Variants in SRCAP observed in about 807,000 individuals in gnomAD.
SRCAP encodes the protein Snf2 related CREBBP activator protein, also known as chromatin remodeling protein SRCAP.
In SRCAP, 46 loss-of-function variants were observed where a neutral mutation model predicts 263.1. The ratio of observed to expected loss-of-function variants is 0.17; its 90% CI spans 0.14 to 0.22. SRCAP has a LOEUF of 0.22. Ranked by LOEUF, SRCAP falls within the 10% of genes least tolerant of loss-of-function variation. SRCAP has a pLI of 1.00. For synonymous variants in SRCAP, 1,813 were observed against 1,662.1 expected (o/e 1.09, Z -2.21); for missense variants, 3,695 against 4,181.9 (o/e 0.88, Z 3.21).
In SRCAP at chr16:30,711,615, T is replaced by TATG; in HGVS notation, c.1364_1366dup (p.Tyr455_Ala456insAsp). 1 of 1,612,668 alleles carries TATG rather than the reference T, an allele frequency of 6.2e-7. No homozygotes were observed. The highest frequency in any genetic ancestry group is 8.5e-7 in the Non-Finnish European group (1 of 1,179,534). ...GCTATTGCAGCAGTATGCAGGAGCC[T>TATG]ATGCCCCAGGCTCTGGGAGCAGTGA... On this transcript the variant is annotated inframe_insertion, in exon 11 of 34. Transcript: ENST00000262518.
intron 18 of SRCAP, among the ~76,000 whole-genome samples, chr16:30,718,969 G>A (rs2052981661): frequency 1.3e-5 from 2 of 148,302 alleles, no homozygotes; most frequent in African/African-American, 2.5e-5. Flanking sequence ...CAGTCTCAGC[G>A]CATTGCAACC....
chr16:30,737,244 G>T lies in SRCAP; in HGVS notation c.7204G>T (p.Ala2402Ser). 1 of 1,614,022 alleles carries T rather than the reference G, an allele frequency of 6.2e-7. No individual in the cohort carries two copies. The highest frequency in any genetic ancestry group is 1.3e-5 in the African/African-American group (1 of 74,958). Residue 2402 changes from alanine to serine, a missense_variant, in exon 34 of 34, where the codon GCC becomes TCC. Physicochemically the swap from Ala to Ser is moderately conservative, Grantham distance 99. Coordinates refer to ENST00000262518, the MANE Select transcript of SRCAP (RefSeq NM_006662.3). ...GTRVSERLRG[A>S]RAETQGANHT... ...TCGTGTCAGTGAGCGTCTTCGTGGAGCCCGGGCTGAGACTCAAGGGGCAAA... is the reference window on the plus strand; with the variant it reads ...TCGTGTCAGTGAGCGTCTTCGTGGATCCCGGGCTGAGACTCAAGGGGCAAA...
rs751571911 is a variant in SRCAP, at chr16:30,738,616, G to A, written c.8576G>A (p.Arg2859Gln). The change falls in exon 34 of 34, where the codon CGG becomes CAG. Residue 2859 changes from arginine to glutamine, a missense_variant. Coordinates refer to ENST00000262518, the MANE Select transcript of SRCAP (RefSeq NM_006662.3). ...LAITPPAVKR[R>Q]RGRPPKKNRS... ...ATCACCCCACCTGCTGTGAAACGTC[G>A]GAGGGGGAGGCCCCCCAAGAAGAAC... 8 of 1,604,184 alleles carry A rather than the reference G, an allele frequency of 5.0e-6. No individual in the cohort carries two copies. The highest frequency in any genetic ancestry group is 2.2e-5 in the East Asian group (1 of 44,772).
Position 30,739,628 on chromosome 16 carries a change from T to A in SRCAP, c.9588T>A (p.Leu3196=). 1 of 1,591,922 alleles carries A rather than the reference T, an allele frequency of 6.3e-7. No homozygotes were observed. Among genetic ancestry groups the A allele is most frequent in the Non-Finnish European group, 8.5e-7 (1 of 1,170,182 alleles). The stretch of plus-strand genomic sequence containing the variant: ...GCCGACGTCCTGGCCCCCGCCGGCT[T>A]GTTGGGACCACCAACCAAGGGGACC... ...TPRRRPGPRR[L]VGTTNQGDQR... is the part of the protein sequence containing the mutation. Residue 3196 remains leucine (L), a synonymous_variant, in exon 34 of 34, where the codon CTT becomes CTA. Coordinates refer to ENST00000262518, the MANE Select transcript of SRCAP (RefSeq NM_006662.3).
intron 18 of SRCAP, among the ~76,000 whole-genome samples, chr16:30,719,460 C>T (rs1355125654): frequency 6.6e-6 from 1 of 152,048 alleles, no homozygotes; most frequent in African/African-American, 2.4e-5. Context: ...CGTGATCCAC[C>T]CGCCTCGGCC....
In SRCAP at chr16:30,721,367, CACCACCACTTCT is replaced by C. The variant is rs745901069; in HGVS notation, c.3441_3452del (p.Ser1148_Thr1151del). 6.2e-7 allele frequency: 1 copy of C among 1,614,034 alleles called. No individual in the cohort carries two copies. The highest frequency in any genetic ancestry group is 8.5e-7 in the Non-Finnish European group (1 of 1,180,042). On this transcript the variant is annotated inframe_deletion, in exon 21 of 34. Transcript: ENST00000262518. ...GCTACACCTTCCCTCCTGCTGCTGC[CACCACCACTTCT>C]ACCACCACGGCAACTGCTACCACCA...
Position 30,721,279 on chromosome 16 carries a change from G to T in SRCAP, c.3344G>T (p.Arg1115Leu), listed in dbSNP as rs748378605. 30 of 1,613,994 alleles carry T rather than the reference G, an allele frequency of 1.9e-5. No individual in the cohort carries two copies. The highest frequency in any genetic ancestry group is 2.5e-5 in the Non-Finnish European group (29 of 1,179,996). Residue 1115 changes from arginine to leucine, a missense_variant, in exon 21 of 34, where the codon CGC (arginine) becomes CTC (leucine). This residue lies in a region of SRCAP where 1,347 missense variants were observed against 1,304.4 expected (regional missense o/e 1.03). Transcript: ENST00000262518. The stretch of plus-strand genomic sequence containing the variant: ...AAGCCAACACCACCTGCCCCAGTTC[G>T]CCTGAGCCCAGCCCCACCTCCAGGC... ...SLKPTPPAPV[R>L]LSPAPPPGSS...
intron 27 of SRCAP, among the ~76,000 whole-genome samples, chr16:30,731,641 A>C (rs924179717): frequency 6.6e-6 from 1 of 151,642 alleles, no homozygotes; most frequent in Admixed American, 6.6e-5. Context: ...TGAGGTGGGC[A>C]GCTCACTTGA....
rs368577129 is a variant in SRCAP, at chr16:30,738,838, C to T, written c.8798C>T (p.Pro2933Leu). The T allele has an allele frequency of 1.4e-5, 22 of 1,614,040 alleles. No individual in the cohort carries two copies. In the African/African-American group the frequency reaches 2.8e-4, roughly 21 times the overall value. ...PVHRPNPLLS[P>L]VEKRRRGRPP... ...CACAGACCCAATCCCCTCCTGTCACCTGTGGAGAAAAGAAGGCGAGGACGA... is the reference window on the plus strand; with the variant it reads ...CACAGACCCAATCCCCTCCTGTCACTTGTGGAGAAAAGAAGGCGAGGACGA... Residue 2933 changes from proline to leucine, a missense_variant, in exon 34 of 34, where the codon CCT (proline) becomes CTT (leucine). Coordinates refer to ENST00000262518, the MANE Select transcript of SRCAP (RefSeq NM_006662.3).
rs2052897818 is a variant in SRCAP at position 30,712,005 on chromosome 16, C to G, written c.1663C>G (p.Leu555Val). The change falls in exon 12 of 34, where the codon CTT becomes GTT. Residue 555 changes from leucine to valine, a missense_variant. Physicochemically the swap from Leu to Val is conservative, Grantham distance 32. Coordinates refer to ENST00000262518, the MANE Select transcript of SRCAP (RefSeq NM_006662.3). Reference sequence around the variant, plus strand: ...TGATGATTTTGGGGTGGAGTACTTGCTTGCCAGGGATGAAGAGCAGAGTGA... The same window carrying G: ...TGATGATTTTGGGGTGGAGTACTTGGTTGCCAGGGATGAAGAGCAGAGTGA... ...EDDDFGVEYLLARDEEQSEAD... is the reference protein window; with the variant it reads ...EDDDFGVEYLVARDEEQSEAD... 6.2e-7 allele frequency: 1 copy of G among 1,613,856 alleles called. No homozygotes were observed.
chr16:30,707,188 C>T lies in SRCAP; in HGVS notation c.312C>T (p.Ala104=), dbSNP rs200473396. The change falls in exon 5 of 34, where the codon GCC becomes GCT. Residue 104 remains alanine (A), a synonymous_variant. Transcript: ENST00000262518. ...AEIAEQAKHE[A]EIETRIAELR... ...ATCTGGCTCTCCCTGATTAGGAGGC[C>T]GAGATCGAGACTCGGATTGCTGAGC... is the stretch of plus-strand genomic sequence containing the variant. 1.1e-4 allele frequency: 173 copies of T among 1,613,852 alleles called. No individual in the cohort carries two copies. The highest frequency in any genetic ancestry group is 1.2e-4 in the Non-Finnish European group (136 of 1,179,950).
Position 30,738,905 on chromosome 16 carries a change from C to G in SRCAP, c.8865C>G (p.Ser2955=), listed in dbSNP as rs149043190. 4.4e-4 allele frequency: 706 copies of G among 1,614,178 alleles called. 2 individuals carry two copies. The African/African-American group carries it at 8.2e-3, about 19-fold the overall frequency. ...ARDLPIPGTI[S]SAGDGNSESR... The stretch of plus-strand genomic sequence containing the variant: ...ATTTGCCCATCCCTGGGACCATTTC[C>G]TCTGCAGGGGATGGCAACTCCGAAA... The change falls in exon 34 of 34, where the codon TCC becomes TCG. Residue 2955 remains serine (S), a synonymous_variant. Coordinates refer to ENST00000262518, the MANE Select transcript of SRCAP (RefSeq NM_006662.3).
Position 30,739,597 on chromosome 16 carries a change from C to T in SRCAP, c.9557C>T (p.Thr3186Ile), listed in dbSNP as rs2053204030. ...ASGEEEEGDG[T>I]PRRRPGPRRL... ...GGTGAGGAGGAGGAAGGGGATGGGA[C>T]CCCACGCCGACGTCCTGGCCCCCGC... The change falls in exon 34 of 34, where the codon ACC (threonine) becomes ATC (isoleucine). Residue 3186 changes from threonine (T) to isoleucine (I), a missense_variant. By Grantham distance (89) the Thr-to-Ile change is moderately conservative. Coordinates refer to ENST00000262518, the MANE Select transcript of SRCAP (RefSeq NM_006662.3). 1 of 1,597,566 alleles carries T rather than the reference C, an allele frequency of 6.3e-7. No homozygotes were observed. Among genetic ancestry groups the T allele is most frequent in the African/African-American group, 1.3e-5 (1 of 74,462 alleles).
chr16:30,711,306 C>G (rs2052888811), intron 10 of SRCAP, among the ~76,000 whole-genome samples: 1 of 152,086 alleles, frequency 6.6e-6, no homozygotes, highest in Admixed American at 6.6e-5. Flanking sequence ...GAGGGAAGAG[C>G]TAATGTAGGA....
rs746756460 is a variant in SRCAP at position 30,734,590 on chromosome 16, G to C, written c.6704G>C (p.Ser2235Thr). The C allele has an allele frequency of 6.2e-7, 1 of 1,613,994 alleles. No individual in the cohort carries two copies. The highest frequency in any genetic ancestry group is 8.5e-7 in the Non-Finnish European group (1 of 1,180,008). ...GAAGAGGAGGAAGAGACTGTGGCCA[G>C]CAAGCAGACTCATATTCTGGAGCAG... ...APEEEEETVA[S>T]KQTHILEQAL... The change falls in exon 31 of 34, where the codon AGC (serine) becomes ACC (threonine). Residue 2235 changes from serine to threonine, a missense_variant. By Grantham distance (58) the Ser-to-Thr change is moderately conservative. Coordinates refer to ENST00000262518, the MANE Select transcript of SRCAP (RefSeq NM_006662.3).
chr16:30,708,386 T>A (rs2052850469), intron 6 of SRCAP, among the ~76,000 whole-genome samples: 1 of 152,134 alleles, frequency 6.6e-6, no homozygotes, highest in Non-Finnish European at 1.5e-5. Context: ...TTAAAAAAAT[T>A]CTTTTTAATT....
At chr16:30,706,560 A>T (rs562717556) in intron 4 of SRCAP, among the ~76,000 whole-genome samples, 10 of 152,354 alleles carry the variant, frequency 6.6e-5, no homozygotes, top group Admixed American at 5.9e-4. Flanking sequence ...TTTAGTAAAA[A>T]TGACCACTCT....
chr16:30,731,750 C>T (rs115938155), intron 27 of SRCAP, among the ~76,000 whole-genome samples: 1,936 of 151,990 alleles, frequency 0.013, 35 homozygotes, highest in African/African-American at 0.042. Context: ...GTCCCAGCTA[C>T]TCAGATGGCT....
At chr16:30,699,347 C>T (rs1037870687) in intron 1 of SRCAP, 105 bp downstream of exon 1, 2 of 396,420 alleles carry the variant, frequency 5.0e-6, no homozygotes, top group Non-Finnish European at 4.4e-6. Flanking sequence ...TCCGGGCCTC[C>T]TGCGGGTTCA....
Sources: allele counts gnomAD v4.1 joint callset (sites outside exome capture counted in the v4.1 genomes callset), GRCh38; gene constraint gnomAD v4.1.1; regional missense constraint gnomAD v4.1.1; transcripts MANE v1.5; gene names NCBI Gene and HGNC (gene_info 2026-07-23, HGNC 2026-07-21).